Variants in PGR observed in about 807,000 individuals in gnomAD.
PGR encodes nuclear receptor subfamily 3 group C member 3.
Under a neutral mutation model 76.1 loss-of-function variants are expected in PGR, and 25 were observed. The ratio of observed to expected loss-of-function variants is 0.33; its 90% CI spans 0.24 to 0.46. The LOEUF (loss-of-function observed/expected upper bound fraction) is 0.46. Among genes scored for constraint, PGR ranks in the 20% least tolerant of loss-of-function variants. The pLI is 1.00. For synonymous variants in PGR, 579 were observed against 535.0 expected, an observed-to-expected ratio of 1.08 and a Z score of -1.14; for missense variants, 1,172 against 1,225.3, an observed-to-expected ratio of 0.96 and a Z score of 0.65.
intron 2 of PGR, among the ~76,000 whole-genome samples, chr11:101,105,855 G>T (rs1862141550): frequency 6.6e-6 from 1 of 152,114 alleles, no homozygotes; most frequent in South Asian, 2.1e-4. Context: ...AACCAAAACA[G>T]CATGGCACTG....
intron 6 of PGR, among the ~76,000 whole-genome samples, chr11:101,045,355 T>A (rs2135384790): frequency 1.3e-5 from 2 of 152,272 alleles, no homozygotes; most frequent in South Asian, 4.1e-4. Flanking sequence ...GCAGTTTTGT[T>A]ACATGAATAT....
intron 3 of PGR, among the ~76,000 whole-genome samples, chr11:101,070,798 CT>C (rs1300083119): frequency 2.0e-5 from 3 of 152,192 alleles, no homozygotes; most frequent in Non-Finnish European, 4.4e-5. Context: ...CAGGGCATCT[CT>C]GAAAGAAAGG....
At chr11:101,043,492 C>T (rs1859763484) in intron 6 of PGR, among the ~76,000 whole-genome samples, 1 of 152,138 alleles carries the variant, frequency 6.6e-6, no homozygotes, top group Non-Finnish European at 1.5e-5. Flanking sequence ...GTTAATGTTG[C>T]TATTTTCACC....
chr11:101,080,627 G>T lies in PGR; in HGVS notation c.1906+11133C>A, dbSNP rs1861275064. On this transcript the variant is annotated intron_variant, in intron 3 of 7. Transcript: ENST00000325455. The stretch of plus-strand genomic sequence containing the variant: ...GGATTGCACTAGCTTTCCAGCAATG[G>T]TCCCTAACCAAGATGGAAACTCAGA... Among the ~76,000 whole-genome samples the T allele has an allele frequency of 1.3e-5, 2 of 152,074 alleles. 1 individual carries two copies. The highest frequency in any genetic ancestry group is 4.1e-4 in the South Asian group (2 of 4,834).
chr11:101,086,899 T>C (rs1156284181), intron 3 of PGR, among the ~76,000 whole-genome samples: 2 of 145,100 alleles, frequency 1.4e-5, no homozygotes, highest in Non-Finnish European at 3.0e-5. Flanking sequence ...GATTTCTACA[T>C]GGATAACTAC....
At chr11:101,042,458 T>C (rs1232755490) in intron 6 of PGR, among the ~76,000 whole-genome samples, 2 of 152,178 alleles carry the variant, frequency 1.3e-5, no homozygotes, top group Non-Finnish European at 2.9e-5. Context: ...TACAGCTGCA[T>C]GTAATCTGGA....
rs1244932261 is a variant in PGR at position 101,032,680 on chromosome 11, C to T, written c.*6436G>A. The T allele has an allele frequency of 2.8e-5, 6 of 213,890 alleles. No homozygotes were observed. The highest frequency in any genetic ancestry group is 9.0e-5 in the African/African-American group (4 of 44,222). 13.2% of individuals were successfully genotyped at this position (213,890 alleles called of 1,614,324 possible). A position where few individuals can be genotyped will look rare whatever the true frequency, so the allele number is the denominator to read the frequency against. On this transcript the variant is annotated 3_prime_UTR_variant, in exon 8 of 8. Transcript: ENST00000325455. ...TTAGCTTTGACTTTTTTCAGGATGC[C>T]TCTGCTAACCCCTAAATTCAAGGTA...
intron 3 of PGR, among the ~76,000 whole-genome samples, chr11:101,083,427 GA>G (rs1247234246): frequency 6.6e-6 from 1 of 152,222 alleles, no homozygotes; most frequent in Non-Finnish European, 1.5e-5. Flanking sequence ...GCTGTGAGAA[GA>G]GGACCACCAT....
rs56355097 is a variant in PGR at position 101,107,865 on chromosome 11, T to TAAAAAA, written c.1790-15995_1790-15990dup. Among the ~76,000 whole-genome samples, 113 of 118,970 alleles carry TAAAAAA rather than the reference T, an allele frequency of 9.5e-4. 1 individual carries two copies. Among genetic ancestry groups the TAAAAAA allele is most frequent in the Middle Eastern group, 4.5e-3 (1 of 220 alleles). 78.0% of individuals were successfully genotyped at this position (118,970 alleles called of 152,430 possible). ...CCAGTCTTACTTGAAACTGGCTTTG[T>TAAAAAA]AAAAAAAAAAAAAAAGAAAGAAAAA... On this transcript the variant is annotated intron_variant, in intron 2 of 7. Transcript: ENST00000325455.
At chr11:101,078,607 G>T (rs1861202950) in intron 3 of PGR, among the ~76,000 whole-genome samples, 1 of 152,134 alleles carries the variant, frequency 6.6e-6, no homozygotes, top group African/African-American at 2.4e-5. Flanking sequence ...TAAAGCAAAA[G>T]TTCACTGTGA....
intron 3 of PGR, among the ~76,000 whole-genome samples, chr11:101,077,482 G>T (rs1332905567): frequency 6.6e-6 from 1 of 152,058 alleles, no homozygotes; most frequent in African/African-American, 2.4e-5. Flanking sequence ...TACTAGAATT[G>T]ATTTTTTTAA....
At chr11:101,107,523 T>C (rs1862203373) in intron 2 of PGR, among the ~76,000 whole-genome samples, 1 of 152,094 alleles carries the variant, frequency 6.6e-6, no homozygotes, top group African/African-American at 2.4e-5. Context: ...TGCAAAATTT[T>C]AAAAAGAAAC....
chr11:101,053,810 C>G (rs2135398177), intron 4 of PGR, among the ~76,000 whole-genome samples: 1 of 147,772 alleles, frequency 6.8e-6, no homozygotes, highest in Middle Eastern at 3.5e-3. Flanking sequence ...TCCTTCCCTC[C>G]TTCCTTCCTC....
intron 3 of PGR, among the ~76,000 whole-genome samples, chr11:101,083,583 A>G (rs1206184101): frequency 6.6e-6 from 1 of 152,206 alleles, no homozygotes; most frequent in Non-Finnish European, 1.5e-5. Flanking sequence ...AGGCCTTGGG[A>G]GCCCATCCCT....
chr11:101,083,872 G>T (rs931405935), intron 3 of PGR, among the ~76,000 whole-genome samples: 2 of 152,186 alleles, frequency 1.3e-5, no homozygotes, highest in Admixed American at 6.5e-5. Context: ...TTGGGTTAAT[G>T]CTGGAATGAG....
chr11:101,068,957 G>C (rs1860820397), intron 3 of PGR, among the ~76,000 whole-genome samples: 1 of 152,090 alleles, frequency 6.6e-6, no homozygotes, highest in African/African-American at 2.4e-5. Context: ...CATAGGCATG[G>C]GCAAAGACTT....
In PGR at chr11:101,032,635, A is replaced by T. The variant is rs914052716; in HGVS notation, c.*6481T>A. 3 of 222,982 alleles carry T rather than the reference A, an allele frequency of 1.3e-5. No homozygotes were observed. Among genetic ancestry groups the T allele is most frequent in the Non-Finnish European group, 2.7e-5 (3 of 111,656 alleles). 13.8% of individuals were successfully genotyped at this position (222,982 alleles called of 1,614,324 possible). A position where few individuals can be genotyped will look rare whatever the true frequency, so the allele number is the denominator to read the frequency against. On this transcript the variant is annotated 3_prime_UTR_variant, in exon 8 of 8. Coordinates refer to ENST00000325455, the MANE Select transcript of PGR (RefSeq NM_000926.4). ...ACCACGCACGTTCTGCTAATTCCTA[A>T]ACTGCTTATAGATTGTGGCTTAGCT...
intron 4 of PGR, among the ~76,000 whole-genome samples, chr11:101,058,258 A>G (rs887558721): frequency 2.0e-5 from 3 of 152,196 alleles, no homozygotes; most frequent in African/African-American, 7.2e-5. Context: ...TCAGTGGAAT[A>G]GGGTGTGAGA....
In PGR at chr11:101,062,735, A is replaced by G; in HGVS notation, c.1924T>C (p.Phe642Leu). ...MVLGGRKFKK[F>L]NKVRVVRALD... ...GCTCTCACAACTCTGACTTTATTGA[A>G]CTTTTTAAATTTTCGACCTACAGAG... The change falls in exon 4 of 8, where the codon TTC becomes CTC. Residue 642 changes from phenylalanine to leucine, a missense_variant. By Grantham distance (22) the Phe-to-Leu change is conservative. This residue lies in a region of PGR where 73 missense variants were observed against 60.7 expected (regional missense o/e 1.20). Coordinates refer to ENST00000325455, the MANE Select transcript of PGR (RefSeq NM_000926.4). The G allele has an allele frequency of 6.2e-7, 1 of 1,611,670 alleles. No homozygotes were observed. Among genetic ancestry groups the G allele is most frequent in the South Asian group, 1.1e-5 (1 of 90,666 alleles).
Sources: allele counts gnomAD v4.1 joint callset (sites outside exome capture counted in the v4.1 genomes callset), GRCh38; gene constraint gnomAD v4.1.1; regional missense constraint gnomAD v4.1.1; transcripts MANE v1.5; gene names NCBI Gene and HGNC (gene_info 2026-07-23, HGNC 2026-07-21).